The following CD8B2 variants were observed in gnomAD, a reference collection of about 807,000 sequenced individuals.
CD8B2 encodes the protein T-cell surface glycoprotein CD8 beta-2 chain.
CD8B2 carries 11 observed loss-of-function variants against 23.7 expected under a neutral mutation model. That is an observed-to-expected ratio of 0.46 (90% CI 0.29 to 0.77). The LOEUF (loss-of-function observed/expected upper bound fraction) is 0.77. Ranked by LOEUF, CD8B2 falls within the 30% of genes least tolerant of loss-of-function variation. CD8B2 has a pLI of 0.09. For missense variants in CD8B2, 197 were observed against 270.5 expected (o/e 0.73, Z 1.91); for synonymous variants, 90 against 109.3 (o/e 0.82, Z 1.10).
intron 5 of CD8B2, among the ~76,000 whole-genome samples, chr2:106,517,397 C>A (rs1290935466): frequency 2.0e-5 from 3 of 152,158 alleles, no homozygotes; most frequent in African/African-American, 7.2e-5. Context: ...TTAGGCCCTG[C>A]TGACATTTTT....
intron 5 of CD8B2, among the ~76,000 whole-genome samples, chr2:106,525,026 A>G (rs1437215415): frequency 6.6e-6 from 1 of 152,124 alleles, no homozygotes; most frequent in African/African-American, 2.4e-5. Flanking sequence ...TTCTACATAC[A>G]TGGGTCATGC....
chr2:106,519,068 A>G (rs1234679877), intron 5 of CD8B2, among the ~76,000 whole-genome samples: 1 of 152,060 alleles, frequency 6.6e-6, no homozygotes, highest in Admixed American at 6.6e-5. Context: ...TCCATCATCC[A>G]TCCATCCATC....
chr2:106,513,160 A>G (rs1389177796), downstream of CD8B2, among the ~76,000 whole-genome samples: 1 of 149,184 alleles, frequency 6.7e-6, no homozygotes, highest in East Asian at 2.1e-4. Flanking sequence ...GGCTGTGAGG[A>G]CCACTCGGGA....
chr2:106,519,070 C>T (rs1273503970), intron 5 of CD8B2, among the ~76,000 whole-genome samples: 4 of 152,120 alleles, frequency 2.6e-5, no homozygotes, highest in African/African-American at 7.2e-5. Flanking sequence ...CATCATCCAT[C>T]CATCCATCCA....
At chr2:106,517,712 T>TTTTTTTTG (rs1221027190) in intron 5 of CD8B2, among the ~76,000 whole-genome samples, 5 of 79,434 alleles carry the variant, frequency 6.3e-5, no homozygotes, top group African/African-American at 2.5e-4. Context: ...TTTTTTTTTG[T>TTTTTTTTG]TTTTTTGTTT....
intron 5 of CD8B2, among the ~76,000 whole-genome samples, chr2:106,533,137 A>G (rs966535561): frequency 2.0e-5 from 3 of 152,192 alleles, no homozygotes; most frequent in African/African-American, 7.2e-5. Context: ...GGTCGAGGCA[A>G]CACAGCTAGT....
chr2:106,508,232 G>A lies in CD8B2; in HGVS notation c.*1292G>A, dbSNP rs1679551021. 6.6e-6 allele frequency: 1 copy of A among 152,096 alleles called. No homozygotes were observed. The highest frequency in any genetic ancestry group is 2.4e-5 in the African/African-American group (1 of 41,388). 9.4% of individuals were successfully genotyped at this position (152,096 alleles called of 1,614,324 possible). On this transcript the variant is annotated 3_prime_UTR_variant, in exon 6 of 6. Transcript: ENST00000643224. ...ACAGAAGCACCACGTCCAGGTCCAG[G>A]GAGAATCCAGCCTCACCTGCTTCTC...
At chr2:106,520,417 C>G (rs1437571400) in intron 5 of CD8B2, among the ~76,000 whole-genome samples, 1 of 152,042 alleles carries the variant, frequency 6.6e-6, no homozygotes, top group Non-Finnish European at 1.5e-5. Context: ...CATTGAGGCT[C>G]GGGGACCAGA....
At chr2:106,493,116 C>T (rs551712579) in intron 2 of CD8B2, among the ~76,000 whole-genome samples, 5 of 152,230 alleles carry the variant, frequency 3.3e-5, no homozygotes, top group Admixed American at 2.6e-4. Flanking sequence ...CAATGCCTCT[C>T]TCCAGCTCTG....
chr2:106,528,112 G>T (rs1679940570), intron 5 of CD8B2, among the ~76,000 whole-genome samples: 1 of 152,180 alleles, frequency 6.6e-6, no homozygotes, highest in Non-Finnish European at 1.5e-5. Flanking sequence ...TGACTGAGAA[G>T]AAAAATCCTG....
intron 5 of CD8B2, among the ~76,000 whole-genome samples, chr2:106,505,996 G>A (rs570450044): frequency 6.6e-6 from 1 of 152,262 alleles, no homozygotes; most frequent in Non-Finnish European, 1.5e-5. Context: ...AACTGGGCGT[G>A]GTGGCGGGCG....
At chr2:106,543,525 G>C (rs1680209852) in intron 5 of CD8B2, among the ~76,000 whole-genome samples, 1 of 151,430 alleles carries the variant, frequency 6.6e-6, no homozygotes, top group Non-Finnish European at 1.5e-5. Context: ...GCGAGACTCT[G>C]TCTCAATATA....
intron 5 of CD8B2, among the ~76,000 whole-genome samples, chr2:106,526,147 A>G (rs1347013555): frequency 6.6e-6 from 1 of 152,028 alleles, no homozygotes; most frequent in East Asian, 1.9e-4. Flanking sequence ...AGGCTGGGGC[A>G]GGAGAATCAC....
At chr2:106,528,620 C>T (rs1053415507) in intron 5 of CD8B2, among the ~76,000 whole-genome samples, 3 of 152,176 alleles carry the variant, frequency 2.0e-5, no homozygotes, top group Non-Finnish European at 4.4e-5. Context: ...AAGAACAACT[C>T]GTACAATGAA....
intron 5 of CD8B2, among the ~76,000 whole-genome samples, chr2:106,528,769 T>C (rs1298014456): frequency 2.0e-5 from 3 of 152,246 alleles, no homozygotes; most frequent in Non-Finnish European, 4.4e-5. Flanking sequence ...TCCCTTCAGA[T>C]GTTCAGCATC....
chr2:106,494,920 C>A (rs1184676358), intron 2 of CD8B2, among the ~76,000 whole-genome samples: 1 of 152,054 alleles, frequency 6.6e-6, no homozygotes, highest in African/African-American at 2.4e-5. Flanking sequence ...AAAACCAATC[C>A]CCAAATATGA....
rs567753590 is a variant in CD8B2, at chr2:106,539,047, C to T, written c.621-4945C>T. On this transcript the variant is annotated intron_variant, in intron 5 of 5. Transcript: ENST00000416057. Reference sequence around the variant, plus strand: ...GTGCTGGCTGAACTTCTGACTCTACCTGGTCACAGCGCAAGTGAACACGTG... The same window carrying T: ...GTGCTGGCTGAACTTCTGACTCTACTTGGTCACAGCGCAAGTGAACACGTG... Among the ~76,000 whole-genome samples, 10 of 152,342 alleles carry T rather than the reference C, an allele frequency of 6.6e-5. No homozygotes were observed. The South Asian group carries it at 2.1e-3, about 32-fold the overall frequency.
Position 106,510,528 on chromosome 2 carries a change from A to G in CD8B2, c.*3588A>G, listed in dbSNP as rs1679607047. On this transcript the variant is annotated 3_prime_UTR_variant, in exon 6 of 6. Transcript: ENST00000643224. ...ATGATCACTTGAGCTCAGGAGTTTGAGAGCAGCCTAGGCAACATAGCAAGA... is the reference window on the plus strand; with the variant it reads ...ATGATCACTTGAGCTCAGGAGTTTGGGAGCAGCCTAGGCAACATAGCAAGA... 1 of 152,152 alleles carries G rather than the reference A, an allele frequency of 6.6e-6. No homozygotes were observed. The highest frequency in any genetic ancestry group is 2.4e-5 in the African/African-American group (1 of 41,436). 9.4% of individuals were successfully genotyped at this position (152,152 alleles called of 1,614,324 possible).
At chr2:106,494,301 C>T (rs1221024381) in intron 2 of CD8B2, among the ~76,000 whole-genome samples, 2 of 152,028 alleles carry the variant, frequency 1.3e-5, no homozygotes, top group East Asian at 1.9e-4. Flanking sequence ...GCACGTGCCA[C>T]CACGCCCAAC....
Sources: allele counts gnomAD v4.1 joint callset (sites outside exome capture counted in the v4.1 genomes callset), GRCh38; gene constraint gnomAD v4.1.1; transcripts MANE v1.5; gene names NCBI Gene and HGNC (gene_info 2026-07-23, HGNC 2026-07-21).